GALNT2: variants seen among roughly 807,000 people sequenced by gnomAD.
GALNT2 encodes polypeptide N-acetylgalactosaminyltransferase 2, also known as UDP-GalNAc:polypeptide N-acetylgalactosaminyltransferase 2.
A neutral mutation model predicts 81.4 loss-of-function variants in GALNT2; 31 were observed. That is an observed-to-expected ratio of 0.38 (90% CI 0.29 to 0.51). GALNT2 has a LOEUF of 0.51. GALNT2 is among the 20% of genes least tolerant of loss of function. The pLI is 0.87. For missense variants in GALNT2, 629 were observed against 765.7 expected (o/e 0.82, Z 2.11); for synonymous variants, 303 against 287.4 (o/e 1.05, Z -0.55).
intron 1 of GALNT2, among the ~76,000 whole-genome samples, chr1:230,096,343 G>T (rs904689851): frequency 6.6e-6 from 1 of 152,178 alleles, no homozygotes; most frequent in Non-Finnish European, 1.5e-5. Context: ...ATTTGCTTAC[G>T]TGATTTAAAT....
intron 2 of GALNT2, among the ~76,000 whole-genome samples, chr1:230,184,192 T>C (rs1663246240): frequency 1.3e-5 from 1 of 79,540 alleles, no homozygotes; most frequent in Admixed American, 1.0e-4. Context: ...AAGATCAATC[T>C]TTTTTTTTTT....
intron 3 of GALNT2, among the ~76,000 whole-genome samples, chr1:230,228,454 G>A (rs968831320): frequency 4.0e-5 from 6 of 151,886 alleles, no homozygotes; most frequent in Admixed American, 2.0e-4. Context: ...GAACAGAAAC[G>A]GATGTAGACA....
At chr1:230,111,776 T>G (rs1246866234) in intron 1 of GALNT2, among the ~76,000 whole-genome samples, 1 of 152,160 alleles carries the variant, frequency 6.6e-6, no homozygotes, top group Non-Finnish European at 1.5e-5. Context: ...GAAGACTGTG[T>G]CACTGATGAA....
chr1:230,093,597 C>T (rs1027366340), intron 1 of GALNT2, among the ~76,000 whole-genome samples: 1 of 152,220 alleles, frequency 6.6e-6, no homozygotes, highest in African/African-American at 2.4e-5. Flanking sequence ...TGAATCCACC[C>T]TGGGCCGTTT....
intron 1 of GALNT2, among the ~76,000 whole-genome samples, chr1:230,136,239 C>T (rs1379373029): frequency 6.6e-6 from 1 of 152,070 alleles, no homozygotes; most frequent in Non-Finnish European, 1.5e-5. Flanking sequence ...ATGATCGAAC[C>T]TGCACGCATT....
chr1:230,118,026 G>A (rs902515858), intron 1 of GALNT2, among the ~76,000 whole-genome samples: 6 of 152,120 alleles, frequency 3.9e-5, no homozygotes, highest in Admixed American at 6.5e-5. Flanking sequence ...TCCCAACCCC[G>A]ATAACCACTG....
chr1:230,232,776 T>A (rs1256377832), intron 3 of GALNT2, among the ~76,000 whole-genome samples: 1 of 152,172 alleles, frequency 6.6e-6, no homozygotes, highest in Non-Finnish European at 1.5e-5. Context: ...TGCTAATTCT[T>A]AAAATTGGAA....
At chr1:230,135,859 C>T (rs894002642) in intron 1 of GALNT2, among the ~76,000 whole-genome samples, 3 of 150,480 alleles carry the variant, frequency 2.0e-5, no homozygotes, top group Non-Finnish European at 3.0e-5. Flanking sequence ...CTAACTTTTT[C>T]ATTTTTTTTT....
Position 230,228,043 on chromosome 1 carries a change from G to A in GALNT2, c.375-7971G>A, listed in dbSNP as rs191931491. ...AATACAGAGTCCACATACAAAAACC[G>A]GTATCAGTAACGGCCAATTCAAAAA... is the stretch of plus-strand genomic sequence containing the variant. On this transcript the variant is annotated intron_variant, in intron 3 of 15. Transcript: ENST00000366672. 3.6e-3 allele frequency among the ~76,000 whole-genome samples: 555 copies of A among 152,074 alleles called. 2 individuals are homozygous for A. The highest frequency in any genetic ancestry group is 0.013 in the African/African-American group (527 of 41,460).
At position 230,275,568 on chromosome 1, in the gene GALNT2, A is replaced by T. The variant is rs909153296; in HGVS notation, c.1560+1004A>T. On this transcript the variant is annotated intron_variant, in intron 15 of 15. Transcript: ENST00000366672. The surrounding 1 kb of genome is among the most constrained non-coding windows in gnomAD (Gnocchi z 5.5). ...ATATATAAACGCCACATATATATAC[A>T]TATAAACACACCATATATATACATA... Among the ~76,000 whole-genome samples, 1 of 151,544 alleles carries T rather than the reference A, an allele frequency of 6.6e-6. No homozygotes were observed. Among genetic ancestry groups the T allele is most frequent in the Non-Finnish European group, 1.5e-5 (1 of 67,788 alleles).
intron 6 of GALNT2, among the ~76,000 whole-genome samples, chr1:230,242,529 T>A (rs933372216): frequency 1.3e-5 from 2 of 152,034 alleles, no homozygotes; most frequent in Admixed American, 1.3e-4. Flanking sequence ...ATTATTTATT[T>A]TATTTTATTT....
At chr1:230,126,924 A>G (rs113293382) in intron 1 of GALNT2, among the ~76,000 whole-genome samples, 75 of 152,286 alleles carry the variant, frequency 4.9e-4, no homozygotes, top group African/African-American at 1.7e-3. Context: ...TGGGGCTGAC[A>G]TTTGTTTTCA....
intron 8 of GALNT2, among the ~76,000 whole-genome samples, chr1:230,247,754 C>T (rs1018322531): frequency 1.3e-5 from 2 of 151,994 alleles, no homozygotes; most frequent in Non-Finnish European, 2.9e-5. Context: ...CACGTTCACC[C>T]TAAGAGCATT....
Position 230,281,875 on chromosome 1 carries a change from G to A in GALNT2, c.*2417G>A, listed in dbSNP as rs1367221099. The A allele has an allele frequency of 1.3e-5, 2 of 152,564 alleles. No homozygotes were observed. Among genetic ancestry groups the A allele is most frequent in the African/African-American group, 4.8e-5 (2 of 41,428 alleles). 9.5% of individuals were successfully genotyped at this position (152,564 alleles called of 1,614,324 possible). A position where few individuals can be genotyped will look rare whatever the true frequency, so the allele number is the denominator to read the frequency against. The stretch of plus-strand genomic sequence containing the variant: ...TAAAACTCAGAATTCTTTCCTAAGA[G>A]CCCTTCGAGCAAAGCGTGCCGAAGT... On this transcript the variant is annotated 3_prime_UTR_variant, in exon 16 of 16. Coordinates refer to ENST00000366672, the MANE Select transcript of GALNT2 (RefSeq NM_004481.5).
intron 1 of GALNT2, among the ~76,000 whole-genome samples, chr1:230,150,484 C>T (rs567528754): frequency 6.4e-4 from 97 of 152,294 alleles, no homozygotes; most frequent in African/African-American, 1.9e-3. Context: ...TCTTTCTGCC[C>T]GCTTTGTTTT....
At chr1:230,064,397 T>C (rs1307319053), upstream of GALNT2, among the ~76,000 whole-genome samples, 1 of 152,210 alleles carries the variant, frequency 6.6e-6, no homozygotes, top group Non-Finnish European at 1.5e-5. Flanking sequence ...TGGAGGAAGC[T>C]CATTCTCTAA....
In GALNT2 at chr1:230,249,535, A is replaced by G. The variant is rs3827742; in HGVS notation, c.905+264A>G. Among the ~76,000 whole-genome samples the G allele has an allele frequency of 3.4e-4, 52 of 152,362 alleles. 1 individual carries two copies. In the East Asian group the frequency reaches 9.8e-3, roughly 29 times the overall value. Reference sequence around the variant, plus strand: ...GTGCATTCCTGTATGTTGATAATGTAGAGCGTTTCTGTAGCAGAGCAGGAT... The same window carrying G: ...GTGCATTCCTGTATGTTGATAATGTGGAGCGTTTCTGTAGCAGAGCAGGAT... On this transcript the variant is annotated intron_variant, in intron 9 of 15. Transcript: ENST00000366672.
At chr1:230,259,788 A>G (rs77343885) in intron 11 of GALNT2, 6,858 of 152,332 alleles carry the variant, frequency 0.045, 197 homozygotes, top group Non-Finnish European at 0.064. Context: ...CAAAAGGCCA[A>G]TCTTACGTTC....
intron 6 of GALNT2, among the ~76,000 whole-genome samples, chr1:230,237,952 A>T (rs1449161830): frequency 6.6e-6 from 1 of 152,208 alleles, no homozygotes; most frequent in Non-Finnish European, 1.5e-5. Context: ...ACTGCTTAGA[A>T]ATCAGAACAA....
Sources: gnomAD v4.1 joint callset for allele counts (sites outside exome capture counted in the v4.1 genomes callset) on GRCh38, gnomAD v4.1.1 for gene constraint, Gnocchi (gnomAD v3.1) non-coding constraint, MANE v1.5 for transcripts, NCBI Gene and HGNC (gene_info 2026-07-23, HGNC 2026-07-21) for gene names.